Variants in SEMA3A observed in about 807,000 individuals in gnomAD.
SEMA3A encodes semaphorin-3A.
Under a neutral mutation model 97.9 loss-of-function variants are expected in SEMA3A, and 29 were observed. The observed-to-expected ratio is 0.30, with a 90% CI of 0.22 to 0.40. The LOEUF is 0.40. Ranked by LOEUF, SEMA3A falls within the 10% of genes least tolerant of loss-of-function variation. The pLI, the probability that SEMA3A is intolerant of heterozygous loss-of-function variation, is 1.00. For synonymous variants in SEMA3A, 321 were observed against 323.7 expected, an observed-to-expected ratio of 0.99 and a Z score of 0.09; for missense variants, 763 against 951.3, an observed-to-expected ratio of 0.80 and a Z score of 2.60.
intron 1 of SEMA3A, among the ~76,000 whole-genome samples, chr7:84,396,710 A>C (rs896914370): frequency 3.3e-5 from 5 of 151,994 alleles, no homozygotes; most frequent in African/African-American, 1.2e-4. Context: ...TTGGAAAACA[A>C]TTTCTGCTTG....
intron 4 of SEMA3A, among the ~76,000 whole-genome samples, chr7:84,102,878 G>A (rs760001743): frequency 5.3e-5 from 8 of 151,854 alleles, no homozygotes; most frequent in East Asian, 3.9e-4. Context: ...CACTGTGCCC[G>A]GCCTTTTACA....
intron 1 of SEMA3A, among the ~76,000 whole-genome samples, chr7:84,169,442 A>C (rs1416957618): frequency 1.3e-5 from 2 of 150,462 alleles, no homozygotes; most frequent in Non-Finnish European, 3.0e-5. Context: ...GCTCTTCACT[A>C]TAAGTTTTGT....
At chr7:84,020,046 T>C (rs1217864509) in intron 6 of SEMA3A, among the ~76,000 whole-genome samples, 1 of 120,390 alleles carries the variant, frequency 8.3e-6, no homozygotes, top group Admixed American at 8.3e-5. Context: ...TTTTTTTTTT[T>C]TTTTTTTTTT....
intron 1 of SEMA3A, among the ~76,000 whole-genome samples, chr7:84,443,435 A>G (rs1208393925): frequency 6.6e-6 from 1 of 152,154 alleles, no homozygotes; most frequent in Non-Finnish European, 1.5e-5. Context: ...GAATCTAACC[A>G]TGTCAATGGT....
intron 3 of SEMA3A, among the ~76,000 whole-genome samples, chr7:84,283,591 C>CA (rs1800506206): frequency 6.6e-6 from 1 of 150,826 alleles, no homozygotes; most frequent in Admixed American, 6.6e-5. Flanking sequence ...AGGATATTAA[C>CA]AAAAATGGCA....
chr7:84,336,103 T>C (rs2115968399), intron 2 of SEMA3A, among the ~76,000 whole-genome samples: 1 of 152,262 alleles, frequency 6.6e-6, no homozygotes, highest in South Asian at 2.1e-4. Context: ...TCAGAGCACC[T>C]TCTTCCTAGA....
At chr7:84,201,663 A>G (rs1286278087) in intron 3 of SEMA3A, among the ~76,000 whole-genome samples, 3 of 152,106 alleles carry the variant, frequency 2.0e-5, no homozygotes, top group Non-Finnish European at 2.9e-5. Context: ...TAAAAATTCC[A>G]TGTTTTTCTT....
chr7:84,108,289 A>G (rs1795170125), intron 4 of SEMA3A, among the ~76,000 whole-genome samples: 1 of 151,686 alleles, frequency 6.6e-6, no homozygotes, highest in African/African-American at 2.4e-5. Context: ...CTGCAGTCTG[A>G]GGCTAGAGGA....
intron 6 of SEMA3A, among the ~76,000 whole-genome samples, chr7:84,028,603 T>TTGTC (rs1233320428): frequency 6.6e-6 from 1 of 151,984 alleles, no homozygotes; most frequent in African/African-American, 2.4e-5. Context: ...GTTTGTTTGT[T>TTGTC]TAATTTATTT....
chr7:84,402,387 C>T (rs1370247088), intron 1 of SEMA3A, among the ~76,000 whole-genome samples: 1 of 152,128 alleles, frequency 6.6e-6, no homozygotes, highest in Non-Finnish European at 1.5e-5. Context: ...CACTTGTACA[C>T]TGTTGGTGAG....
At chr7:84,324,284 C>A (rs764297936) in intron 2 of SEMA3A, among the ~76,000 whole-genome samples, 1 of 152,136 alleles carries the variant, frequency 6.6e-6, no homozygotes, top group Non-Finnish European at 1.5e-5. Flanking sequence ...ACCAGAGTAA[C>A]CTATTGGAGC....
intron 10 of SEMA3A, among the ~76,000 whole-genome samples, chr7:84,007,103 TTAAAA>T (rs1790697944): frequency 6.6e-6 from 1 of 152,094 alleles, no homozygotes; most frequent in South Asian, 2.1e-4. Flanking sequence ...TGGTCAAAAA[TTAAAA>T]TAAGATTTAA....
At position 84,428,206 on chromosome 7, in the gene SEMA3A, T is replaced by A. The variant is rs118188529; in HGVS notation, c.-245-56306A>T. Among the ~76,000 whole-genome samples the A allele has an allele frequency of 3.8e-4, 58 of 152,230 alleles. No homozygotes were observed. The East Asian group carries it at 0.011, about 29-fold the overall frequency. ...GTAAGCTCATAGATAATAAAGCAAC[T>A]TATTTTGCATGGAAGTCAAGTTCCT... On this transcript the variant is annotated intron_variant, in intron 1 of 3. Coordinates refer to the SEMA3A transcript ENST00000424555.
At chr7:84,289,187 A>G (rs963396166) in intron 3 of SEMA3A, among the ~76,000 whole-genome samples, 3 of 152,124 alleles carry the variant, frequency 2.0e-5, no homozygotes, top group African/African-American at 4.8e-5. Flanking sequence ...ATTAGAGAGT[A>G]GAATAGTAAT....
chr7:84,438,892 T>C (rs1805203000), intron 1 of SEMA3A, among the ~76,000 whole-genome samples: 1 of 152,118 alleles, frequency 6.6e-6, no homozygotes, highest in Non-Finnish European at 1.5e-5. Context: ...TAATGTTACT[T>C]CTTTATTTCA....
At chr7:83,992,304 G>C (rs1235702887) in intron 12 of SEMA3A, among the ~76,000 whole-genome samples, 3 of 145,882 alleles carry the variant, frequency 2.1e-5, no homozygotes, top group East Asian at 2.0e-4. Flanking sequence ...AGGGTTTTTT[G>C]TGTCTCTATT....
chr7:84,359,277 G>T (rs965605668), intron 2 of SEMA3A, among the ~76,000 whole-genome samples: 1 of 152,080 alleles, frequency 6.6e-6, no homozygotes, highest in East Asian at 1.9e-4. Flanking sequence ...CTGTGGGTTT[G>T]TCATAAATAG....
At chr7:84,090,603 A>G (rs1583948579) in intron 4 of SEMA3A, among the ~76,000 whole-genome samples, 1 of 152,218 alleles carries the variant, frequency 6.6e-6, no homozygotes, top group East Asian at 1.9e-4. Context: ...AAGGGGAACC[A>G]AATGTATGCT....
chr7:84,090,466 G>A lies in SEMA3A; in HGVS notation c.453+20004C>T, dbSNP rs1022087940. On this transcript the variant is annotated intron_variant, in intron 4 of 16. Transcript: ENST00000265362. ...AAGAATAGCCTACTACATGGGAATA[G>A]CATGTTCTCTCTGCAAGGAGGAAAG... Among the ~76,000 whole-genome samples, 7 of 152,176 alleles carry A rather than the reference G, an allele frequency of 4.6e-5. No homozygotes were observed. The East Asian group carries it at 1.4e-3, about 29-fold the overall frequency.
Sources: allele counts gnomAD v4.1 joint callset (sites outside exome capture counted in the v4.1 genomes callset), GRCh38; gene constraint gnomAD v4.1.1; transcripts MANE v1.5; gene names NCBI Gene and HGNC (gene_info 2026-07-23, HGNC 2026-07-21).